ATP6V1B1: variants seen among roughly 807,000 people sequenced by gnomAD.
ATP6V1B1 encodes the protein ATPase H+ transporting V1 subunit B1.
A neutral mutation model predicts 62.1 loss-of-function variants in ATP6V1B1; 41 were observed. The ratio of observed to expected loss-of-function variants is 0.66; its 90% CI spans 0.51 to 0.86. ATP6V1B1 has a LOEUF of 0.86. Ranked by LOEUF, ATP6V1B1 falls within the 40% of genes least tolerant of loss-of-function variation. ATP6V1B1 has a pLI of 0.00. For synonymous variants in ATP6V1B1, 253 were observed against 273.4 expected, an observed-to-expected ratio of 0.93 and a Z score of 0.74; for missense variants, 651 against 697.5, an observed-to-expected ratio of 0.93 and a Z score of 0.75.
chr2:70,945,701 G>GATT (rs1680145971), intron 2 of ATP6V1B1, among the ~76,000 whole-genome samples: 1 of 83,018 alleles, frequency 1.2e-5, no homozygotes, highest in East Asian at 4.4e-4. Flanking sequence ...TATTTGAAGA[G>GATT]ATATATATAT....
At chr2:70,939,467 G>C (rs556528776) in intron 1 of ATP6V1B1, 1 of 152,414 alleles carries the variant, frequency 6.6e-6, no homozygotes, top group East Asian at 1.9e-4. Context: ...ATCGCTGAGC[G>C]CTGCAGGATA....
intron 2 of ATP6V1B1, among the ~76,000 whole-genome samples, chr2:70,944,766 TCACG>T (rs1680110976): frequency 6.6e-6 from 1 of 151,568 alleles, no homozygotes; most frequent in Admixed American, 6.6e-5. Context: ...CCCTCCAGGT[TCACG>T]CTATTCTCCT....
chr2:70,963,352 G>A lies in ATP6V1B1; in HGVS notation c.1060+40G>A, dbSNP rs782180176. 1 of 1,612,064 alleles carries A rather than the reference G, an allele frequency of 6.2e-7. No individual in the cohort carries two copies. The highest frequency in any genetic ancestry group is 1.1e-5 in the South Asian group (1 of 91,072). ...GCCCACTACCCTCCAGAGCTCCCCTGTCCTCCCTTTTCCAACCAGATACTT... is the reference window on the plus strand; with the variant it reads ...GCCCACTACCCTCCAGAGCTCCCCTATCCTCCCTTTTCCAACCAGATACTT... On this transcript the variant is annotated intron_variant, in intron 10 of 13. Coordinates refer to ENST00000234396, the MANE Select transcript of ATP6V1B1 (RefSeq NM_001692.4). The surrounding 1 kb of genome is among the most constrained non-coding windows in gnomAD (Gnocchi z 4.3).
intron 1 of ATP6V1B1, among the ~76,000 whole-genome samples, chr2:70,938,941 C>A (rs1243423289): frequency 2.6e-5 from 4 of 152,256 alleles, no homozygotes; most frequent in African/African-American, 9.6e-5. Context: ...GTTTCCTCAA[C>A]TGGAAGGGGA....
At position 70,943,320 on chromosome 2, in the gene ATP6V1B1, G is replaced by C. The variant is rs150978941; in HGVS notation, c.119-338G>C. The C allele has an allele frequency of 1.1e-3, 542 of 511,778 alleles. 3 individuals carry two copies. Among genetic ancestry groups the C allele is most frequent in the African/African-American group, 9.6e-3 (500 of 52,084 alleles). 31.7% of individuals were successfully genotyped at this position (511,778 alleles called of 1,614,324 possible). A position where few individuals can be genotyped will look rare whatever the true frequency, so the allele number is the denominator to read the frequency against. ...AGCTTTTGGAAAATGCTTGGAGTGAGAGAGGAGGGAGTGGGTGAGGTGGGG... is the reference window on the plus strand; with the variant it reads ...AGCTTTTGGAAAATGCTTGGAGTGACAGAGGAGGGAGTGGGTGAGGTGGGG... On this transcript the variant is annotated intron_variant, in intron 1 of 13. Transcript: ENST00000234396.
At chr2:70,962,699 C>A in intron 8 of ATP6V1B1, 78 bp from the exon 9 acceptor site, 1 of 1,598,196 alleles carries the variant, frequency 6.3e-7, no homozygotes, top group Non-Finnish European at 8.5e-7. Flanking sequence ...TCCCAGTTCA[C>A]CTTGCGCTCA....
chr2:70,941,127 A>G, intron 1 of ATP6V1B1: 1 of 495,218 alleles, frequency 2.0e-6, no homozygotes, highest in Non-Finnish European at 2.6e-6. Flanking sequence ...CATATTGCCC[A>G]GGCTGGTCTC....
intron 2 of ATP6V1B1, among the ~76,000 whole-genome samples, chr2:70,945,323 C>T (rs1039476001): frequency 6.6e-6 from 1 of 152,052 alleles, no homozygotes; most frequent in South Asian, 2.1e-4. Flanking sequence ...GTGGTTTGTT[C>T]CTTACATTCA....
chr2:70,938,165 T>C (rs960302371), intron 1 of ATP6V1B1, among the ~76,000 whole-genome samples: 2 of 152,078 alleles, frequency 1.3e-5, no homozygotes, highest in African/African-American at 2.4e-5. Flanking sequence ...AGGGGAAGGC[T>C]GGGATTCCTT....
intron 1 of ATP6V1B1, chr2:70,942,183 A>T: frequency 4.3e-6 from 2 of 468,176 alleles, no homozygotes; most frequent in Non-Finnish European, 6.9e-6. Context: ...TGAAGGAAGC[A>T]GGGACACCTC....
At chr2:70,943,562 G>T in intron 1 of ATP6V1B1, 96 bp from the exon 2 acceptor site, 1 of 1,275,752 alleles carries the variant, frequency 7.8e-7, no homozygotes, top group Admixed American at 1.9e-5. Flanking sequence ...GAAGGAGGTG[G>T]GGTGTGGAGA....
At chr2:70,936,927 G>A (rs1679867215) in intron 1 of ATP6V1B1, among the ~76,000 whole-genome samples, 1 of 152,114 alleles carries the variant, frequency 6.6e-6, no homozygotes, top group Non-Finnish European at 1.5e-5. Flanking sequence ...GTCCTGCAAG[G>A]GTGGCCCAGA....
At chr2:70,941,461 T>C in intron 1 of ATP6V1B1, 1 of 985,156 alleles carries the variant, frequency 1.0e-6, no homozygotes, top group Non-Finnish European at 1.2e-6. Context: ...CCCTTGACCC[T>C]GAAGGCTCAG....
At chr2:70,962,421 C>T (rs1452809425) in intron 8 of ATP6V1B1, among the ~76,000 whole-genome samples, 12 of 152,168 alleles carry the variant, frequency 7.9e-5, no homozygotes, top group African/African-American at 2.7e-4. Context: ...GCCCCCAACT[C>T]ATCTACAGTG....
At chr2:70,956,001 C>T (rs62145081) in intron 2 of ATP6V1B1, 5,163 of 179,296 alleles carry the variant, frequency 0.029, 127 homozygotes, top group Middle Eastern at 0.079. Flanking sequence ...GAAACTTGTT[C>T]GCAAAATACA....
intron 1 of ATP6V1B1, chr2:70,939,341 G>T (rs1192478401): frequency 1.3e-5 from 2 of 152,438 alleles, no homozygotes; most frequent in African/African-American, 4.8e-5. Flanking sequence ...GTCTCTGGAA[G>T]GCCCATGGAA....
chr2:70,941,405 T>C, intron 1 of ATP6V1B1: 1 of 985,540 alleles, frequency 1.0e-6, no homozygotes, highest in Non-Finnish European at 1.2e-6. Context: ...GTCCTTTCTC[T>C]CCTCTGCCAG....
At chr2:70,955,444 C>A (rs1680412666) in intron 2 of ATP6V1B1, among the ~76,000 whole-genome samples, 1 of 152,256 alleles carries the variant, frequency 6.6e-6, no homozygotes, top group Middle Eastern at 3.4e-3. Flanking sequence ...ATTGTCATCA[C>A]CTCAAAAAGA....
chr2:70,942,222 G>A (rs552161639), intron 1 of ATP6V1B1: 2 of 418,264 alleles, frequency 4.8e-6, no homozygotes, highest in East Asian at 3.6e-5. Context: ...GAAGAAGAGG[G>A]TGGCTCAGGT....
Sources: allele counts gnomAD v4.1 joint callset (sites outside exome capture counted in the v4.1 genomes callset), GRCh38; gene constraint gnomAD v4.1.1; non-coding constraint Gnocchi (gnomAD v3.1); transcripts MANE v1.5; gene names NCBI Gene and HGNC (gene_info 2026-07-23, HGNC 2026-07-21).